THSD7A: variants seen among roughly 807,000 people sequenced by gnomAD.
THSD7A encodes thrombospondin type-1 domain-containing protein 7A.
THSD7A carries 96 observed loss-of-function variants against 231.3 expected under a neutral mutation model. The ratio of observed to expected loss-of-function variants is 0.41; its 90% CI spans 0.35 to 0.49. The LOEUF (loss-of-function observed/expected upper bound fraction) is 0.49. Among genes scored for constraint, THSD7A ranks in the 20% least tolerant of loss-of-function variants. The pLI is 0.05. For synonymous variants in THSD7A, 940 were observed against 743.3 expected, an observed-to-expected ratio of 1.26 and a Z score of -4.30; for missense variants, 2,290 against 2,070.2, an observed-to-expected ratio of 1.11 and a Z score of -2.06.
intron 13 of THSD7A, among the ~76,000 whole-genome samples, chr7:11,429,440 T>C (rs1436674658): frequency 1.3e-5 from 2 of 152,214 alleles, no homozygotes; most frequent in Non-Finnish European, 2.9e-5. Context: ...ATCATTCTCA[T>C]GCTGACAGAA....
chr7:11,390,167 T>G (rs1338751444), intron 23 of THSD7A, among the ~76,000 whole-genome samples: 1 of 152,236 alleles, frequency 6.6e-6, no homozygotes, highest in East Asian at 1.9e-4. Context: ...CCTGTCTTGC[T>G]AGGTTGGGGA....
At chr7:11,568,297 T>C (rs910811053) in intron 4 of THSD7A, among the ~76,000 whole-genome samples, 2 of 151,578 alleles carry the variant, frequency 1.3e-5, no homozygotes, top group African/African-American at 4.9e-5. Context: ...GCTGACCTTC[T>C]GCATATCTCT....
At chr7:11,776,513 G>A (rs1198074957) in intron 1 of THSD7A, among the ~76,000 whole-genome samples, 1 of 152,010 alleles carries the variant, frequency 6.6e-6, no homozygotes, top group Non-Finnish European at 1.5e-5. Context: ...CCATTATAAA[G>A]GTTTCATTTT....
chr7:11,433,424 CT>C (rs1246315861), intron 13 of THSD7A, among the ~76,000 whole-genome samples: 1 of 151,904 alleles, frequency 6.6e-6, no homozygotes, highest in African/African-American at 2.4e-5. Flanking sequence ...TACAATCAAA[CT>C]TTAAAAGTAT....
intron 27 of THSD7A, 64 bp downstream of exon 27, chr7:11,376,506 T>G (rs192803049): frequency 4.9e-6 from 6 of 1,220,700 alleles, no homozygotes; most frequent in Non-Finnish European, 7.0e-6. Flanking sequence ...TTTGAGACAT[T>G]AGTTTGCTGT....
chr7:11,617,086 T>C (rs1781132619), intron 2 of THSD7A, among the ~76,000 whole-genome samples: 2 of 152,208 alleles, frequency 1.3e-5, no homozygotes, highest in South Asian at 4.1e-4. Flanking sequence ...TATCTGAGCA[T>C]AATAGTCTAG....
intron 2 of THSD7A, among the ~76,000 whole-genome samples, chr7:11,633,504 G>T (rs966262465): frequency 2.6e-5 from 4 of 152,176 alleles, no homozygotes; most frequent in African/African-American, 7.2e-5. Context: ...TGCTAAGGAA[G>T]TGTCATTGGC....
At chr7:11,573,933 A>AT (rs1258906198) in intron 4 of THSD7A, among the ~76,000 whole-genome samples, 4 of 152,180 alleles carry the variant, frequency 2.6e-5, no homozygotes, top group African/African-American at 9.7e-5. Flanking sequence ...CATCTATTCA[A>AT]TCAATTCAAG....
chr7:11,545,417 A>G (rs1399361474), intron 4 of THSD7A, among the ~76,000 whole-genome samples: 1 of 152,200 alleles, frequency 6.6e-6, no homozygotes, highest in Non-Finnish European at 1.5e-5. Context: ...TTGTTTTATT[A>G]AGAAAACAGG....
intron 13 of THSD7A, among the ~76,000 whole-genome samples, chr7:11,431,969 A>C (rs916016176): frequency 1.3e-5 from 2 of 152,134 alleles, no homozygotes; most frequent in Admixed American, 6.6e-5. Flanking sequence ...TAATTTCTTT[A>C]ATTAAAGGAA....
At chr7:11,539,044 C>G (rs566116621) in intron 6 of THSD7A, among the ~76,000 whole-genome samples, 53 of 152,166 alleles carry the variant, frequency 3.5e-4, no homozygotes, top group Non-Finnish European at 5.0e-4. Context: ...CGAGCTTTAA[C>G]TTAATTATAA....
intron 4 of THSD7A, among the ~76,000 whole-genome samples, chr7:11,572,862 G>T (rs1790706160): frequency 6.6e-6 from 1 of 151,910 alleles, no homozygotes; most frequent in Non-Finnish European, 1.5e-5. Flanking sequence ...CGTCAATAAT[G>T]GGTCTTTTTC....
chr7:11,679,966 C>T (rs994179659), intron 1 of THSD7A, among the ~76,000 whole-genome samples: 1 of 151,694 alleles, frequency 6.6e-6, no homozygotes, highest in African/African-American at 2.4e-5. Context: ...CTACAGTAAC[C>T]AAAACAGCAT....
intron 2 of THSD7A, among the ~76,000 whole-genome samples, chr7:11,625,831 C>T (rs1249542094): frequency 6.6e-6 from 1 of 152,024 alleles, no homozygotes; most frequent in Non-Finnish European, 1.5e-5. Context: ...CTCAATACTA[C>T]CCACATCAAG....
At chr7:11,410,193 A>T (rs1001622353) in intron 19 of THSD7A, among the ~76,000 whole-genome samples, 1 of 152,206 alleles carries the variant, frequency 6.6e-6, no homozygotes, top group African/African-American at 2.4e-5. Flanking sequence ...GGCATTTATT[A>T]ACTAAACAAA....
At chr7:11,542,744 T>A (rs1336943656) in intron 5 of THSD7A, among the ~76,000 whole-genome samples, 2 of 152,228 alleles carry the variant, frequency 1.3e-5, no homozygotes, top group Non-Finnish European at 2.9e-5. Context: ...ATCCTCTCCA[T>A]CATGTTGTCT....
chr7:11,813,755 A>G (rs115082813), intron 1 of THSD7A, among the ~76,000 whole-genome samples: 2,008 of 140,552 alleles, frequency 0.014, 44 homozygotes, highest in African/African-American at 0.049. Flanking sequence ...AATAATAATA[A>G]TAAGGCTCAG....
intron 1 of THSD7A, among the ~76,000 whole-genome samples, chr7:11,798,694 G>A (rs1784195489): frequency 6.6e-6 from 1 of 151,934 alleles, no homozygotes; most frequent in Admixed American, 6.6e-5. Flanking sequence ...CTGTTAATTG[G>A]TAAAGTTGGT....
intron 11 of THSD7A, among the ~76,000 whole-genome samples, chr7:11,449,456 G>T (rs1785076391): frequency 6.6e-6 from 1 of 152,002 alleles, no homozygotes; most frequent in Non-Finnish European, 1.5e-5. Context: ...TACAGGAAGG[G>T]TTCTGGCAAA....
Sources: gnomAD v4.1 joint callset for allele counts (sites outside exome capture counted in the v4.1 genomes callset) on GRCh38, gnomAD v4.1.1 for gene constraint, MANE v1.5 for transcripts, NCBI Gene and HGNC (gene_info 2026-07-23, HGNC 2026-07-21) for gene names.